C12orf57: variants seen among roughly 807,000 people sequenced by gnomAD.
The protein encoded by C12orf57 is protein C10.
A neutral mutation model predicts 11.3 loss-of-function variants in C12orf57; 14 were observed. The ratio of observed to expected loss-of-function variants is 1.24; its 90% confidence interval spans 0.82 to 1.94. The LOEUF is 1.94. C12orf57 is among the 30% of genes most tolerant of loss of function. The pLI, the probability that C12orf57 is intolerant of heterozygous loss-of-function variation, is 0.00. For missense variants in C12orf57, 229 were observed against 172.4 expected, an observed-to-expected ratio of 1.33 and a Z score of -1.84; for synonymous variants, 100 against 74.6, an observed-to-expected ratio of 1.34 and a Z score of -1.76.
At chr12:6,945,031 T>C (rs1484319543) in intron 2 of C12orf57, 1 of 425,626 alleles carries the variant, frequency 2.3e-6, no homozygotes, top group Non-Finnish European at 3.9e-6. Flanking sequence ...TTTTATATAA[T>C]AGTCTGAATA....
chr12:6,944,846 C>G (rs1354611549), intron 2 of C12orf57, 194 bp downstream of exon 2: 10 of 1,440,672 alleles, frequency 6.9e-6, no homozygotes, highest in Non-Finnish European at 5.5e-6. Context: ...GCGTTTTGTA[C>G]AGTAGAGGTT....
upstream of C12orf57, chr12:6,943,953 C>G (rs371672962): frequency 4.4e-5 from 65 of 1,484,692 alleles, no homozygotes; most frequent in Non-Finnish European, 5.4e-5. Flanking sequence ...GGTCTTGATG[C>G]AGTTGTAAGC....
chr12:6,944,353 CTT>C (rs1591674235), intron 1 of C12orf57, 121 bp from the exon 2 acceptor site: 16 of 1,554,506 alleles, frequency 1.0e-5, no homozygotes, highest in South Asian at 9.2e-5. Flanking sequence ...GCCCCCAAGA[CTT>C]GGGATCTTAT....
chr12:6,943,509 G>C (rs1358215491), upstream of C12orf57: 3 of 1,277,386 alleles, frequency 2.3e-6, no homozygotes, highest in Non-Finnish European at 3.0e-6. Context: ...TGCGACAACG[G>C]CTTTTGCTCT....
upstream of C12orf57, chr12:6,943,929 T>A: frequency 7.5e-7 from 1 of 1,325,090 alleles, no homozygotes; most frequent in Non-Finnish European, 1.0e-6. Flanking sequence ...GCAAAAATTA[T>A]GGGTAGTTTT....
chr12:6,944,438 T>A (rs1555145959), intron 1 of C12orf57, 38 bp from the exon 2 acceptor site: 1 of 1,600,314 alleles, frequency 6.2e-7, no homozygotes, highest in African/African-American at 1.3e-5. Context: ...CTCCGACGCC[T>A]ACCCGGGACG....
chr12:6,944,392 A>C (rs927405318), intron 1 of C12orf57, 84 bp from the exon 2 acceptor site: 1 of 1,562,560 alleles, frequency 6.4e-7, no homozygotes, highest in African/African-American at 1.4e-5. Context: ...TCAATCCACT[A>C]ATTCCTTGCG....
chr12:6,944,118 C>T lies in C12orf57; in HGVS notation c.-4C>T, dbSNP rs377078607. The stretch of plus-strand genomic sequence containing the variant: ...TCCGCTGAACCTAGAGCTTCAGACG[C>T]CCTATGGCGTCCGCCTCGACCCAAC... On this transcript the variant is annotated 5_prime_UTR_variant, in exon 1 of 3. Coordinates refer to ENST00000229281, the MANE Select transcript of C12orf57 (RefSeq NM_138425.4). The T allele has an allele frequency of 9.3e-5, 150 of 1,614,072 alleles. No homozygotes were observed. In the African/African-American group the frequency reaches 1.6e-3, roughly 17 times the overall value.
Position 6,944,231 on chromosome 12 carries a change from C to T in C12orf57, c.52+58C>T, listed in dbSNP as rs1157743688. 4.1e-5 allele frequency: 66 copies of T among 1,611,604 alleles called. No homozygotes were observed. The Middle Eastern group carries it at 1.7e-3, about 40-fold the overall frequency. On this transcript the variant is annotated intron_variant, in intron 1 of 2. Transcript: ENST00000229281. ...TGGCCTGGGGTAGTCAAGGCATGGG[C>T]TGCTGGTCTGGGGAGGATGCGGGCG...
At chr12:6,943,731 G>A (rs1555145396), upstream of C12orf57, 9 of 1,243,714 alleles carry the variant, frequency 7.2e-6, no homozygotes, top group South Asian at 6.9e-5. Flanking sequence ...TACAGTAATA[G>A]GAACAAGAAA....
upstream of C12orf57, chr12:6,943,576 C>T: frequency 7.8e-7 from 1 of 1,289,732 alleles, no homozygotes; most frequent in Non-Finnish European, 1.0e-6. Flanking sequence ...GGGGCTGTGA[C>T]TGGCTGCTTT....
intron 1 of C12orf57, 117 bp downstream of exon 1, chr12:6,944,290 C>G (rs1555145899): frequency 7.5e-6 from 12 of 1,597,754 alleles, no homozygotes; most frequent in Non-Finnish European, 1.0e-5. Flanking sequence ...GCTACGTCCG[C>G]CGGGAAAATG....
upstream of C12orf57, chr12:6,943,828 T>G: frequency 1.2e-6 from 1 of 862,980 alleles, no homozygotes; most frequent in Non-Finnish European, 1.6e-6. Context: ...GTGTTACAGC[T>G]CTTTTAGAAT....
upstream of C12orf57, chr12:6,943,444 A>T (rs1555145270): frequency 8.6e-7 from 1 of 1,156,192 alleles, no homozygotes; most frequent in Non-Finnish European, 1.1e-6. Flanking sequence ...GGGAAGGGAA[A>T]TCGGGCCGGG....
intron 1 of C12orf57, 108 bp from the exon 2 acceptor site, chr12:6,944,368 G>A: frequency 1.3e-6 from 2 of 1,554,518 alleles, no homozygotes; most frequent in Admixed American, 1.9e-5. Flanking sequence ...GATCTTATTG[G>A]GTTACCTACA....
chr12:6,943,870 A>AT (rs782583480), upstream of C12orf57: 882 of 956,474 alleles, frequency 9.2e-4, 3 homozygotes, highest in South Asian at 3.7e-3. Flanking sequence ...TTTTTACCGG[A>AT]AAGCCCCTCT....
At chr12:6,944,843 G>A (rs1242594586) in intron 2 of C12orf57, 191 bp downstream of exon 2, 2 of 1,441,950 alleles carry the variant, frequency 1.4e-6, no homozygotes, top group Non-Finnish European at 1.8e-6. Flanking sequence ...GTTGCGTTTT[G>A]TACAGTAGAG....
chr12:6,944,136 G>C lies in C12orf57; in HGVS notation c.15G>C (p.Ser5=), dbSNP rs144652065. The part of the protein sequence containing the change: MASA[S]TQPAALSAEQ... The stretch of plus-strand genomic sequence containing the variant: ...TCAGACGCCCTATGGCGTCCGCCTC[G>C]ACCCAACCGGCGGCCTTGAGCGCTG... The change falls in exon 1 of 3, where the codon TCG becomes TCC. Residue 5 remains serine (S), a synonymous_variant. Transcript: ENST00000229281. 7.4e-6 allele frequency: 12 copies of C among 1,614,188 alleles called. No individual in the cohort carries two copies. The highest frequency in any genetic ancestry group is 2.2e-5 in the South Asian group (2 of 91,060).
upstream of C12orf57, chr12:6,943,846 G>T (rs190235178): frequency 4.4e-6 from 4 of 901,906 alleles, no homozygotes; most frequent in Non-Finnish European, 6.3e-6. Context: ...AATTTGTCTA[G>T]TAGGCTTTCT....
Sources: allele counts gnomAD v4.1 joint callset, GRCh38; gene constraint gnomAD v4.1.1; transcripts MANE v1.5; gene names NCBI Gene and HGNC (gene_info 2026-07-23, HGNC 2026-07-21).